Variants in MAPT observed in about 807,000 individuals in gnomAD.
The protein encoded by MAPT is microtubule-associated protein tau.
A neutral mutation model predicts 67.9 loss-of-function variants in MAPT; 34 were observed. The observed-to-expected ratio is 0.50, with a 90% confidence interval of 0.38 to 0.67. The LOEUF is 0.67. Among genes scored for constraint, MAPT ranks in the 30% least tolerant of loss-of-function variants. The pLI is 0.00. For synonymous variants in MAPT, 456 were observed against 464.5 expected, an observed-to-expected ratio of 0.98 and a Z score of 0.23; for missense variants, 881 against 1,115.2, an observed-to-expected ratio of 0.79 and a Z score of 2.99.
At chr17:45,961,653 G>A (rs567104825) in intron 1 of MAPT, among the ~76,000 whole-genome samples, 15 of 152,196 alleles carry the variant, frequency 9.9e-5, no homozygotes, top group African/African-American at 3.1e-4. Flanking sequence ...TGCCCTCACC[G>A]TTAAAGAGAA....
At chr17:45,979,150 T>C (rs2072696124) in intron 4 of MAPT, 1 of 152,252 alleles carries the variant, frequency 6.6e-6, no homozygotes, top group Non-Finnish European at 1.5e-5. Context: ...ACCCTTATTA[T>C]GATTTTCTTC....
At chr17:46,015,990 G>C (rs559889935) in intron 11 of MAPT, among the ~76,000 whole-genome samples, 1 of 152,310 alleles carries the variant, frequency 6.6e-6, no homozygotes, top group Non-Finnish European at 1.5e-5. Flanking sequence ...ATGGATGCAT[G>C]AGCTTGGTCC....
At chr17:45,945,745 G>A (rs1187136383) in intron 1 of MAPT, among the ~76,000 whole-genome samples, 1 of 152,116 alleles carries the variant, frequency 6.6e-6, no homozygotes, top group Non-Finnish European at 1.5e-5. Context: ...CCCAGGAGGT[G>A]AAGGTTGCAG....
At chr17:45,940,292 A>G (rs932240909) in intron 1 of MAPT, among the ~76,000 whole-genome samples, 1 of 152,214 alleles carries the variant, frequency 6.6e-6, no homozygotes, top group African/African-American at 2.4e-5. Flanking sequence ...GTCTACAGCC[A>G]TTCCATCCTG....
At chr17:45,973,264 A>G (rs1343445996) in intron 3 of MAPT, 9 of 152,166 alleles carry the variant, frequency 5.9e-5, no homozygotes, top group Admixed American at 2.0e-4. Flanking sequence ...GAATATCCAG[A>G]TCAGATTCTC....
At chr17:45,977,560 A>G (rs934855154) in intron 3 of MAPT, 1 of 152,192 alleles carries the variant, frequency 6.6e-6, no homozygotes, top group African/African-American at 2.4e-5. Flanking sequence ...ATGCAGAAAT[A>G]GGTGTTTTTA....
chr17:45,916,850 C>G (rs1483164376), intron 1 of MAPT, among the ~76,000 whole-genome samples: 6 of 152,216 alleles, frequency 3.9e-5, no homozygotes, highest in Non-Finnish European at 8.8e-5. Flanking sequence ...ACAGCAGGTT[C>G]ATGGCAAAGC....
intron 1 of MAPT, among the ~76,000 whole-genome samples, chr17:45,935,517 A>AC (rs1279804815): frequency 6.6e-6 from 1 of 152,018 alleles, no homozygotes; most frequent in Non-Finnish European, 1.5e-5. Context: ...CAGCTCCACC[A>AC]CCATCACCAG....
At position 46,024,869 on chromosome 17, in the gene MAPT, C is replaced by CG. The variant is rs1568350508; in HGVS notation, c.*703dup. The CG allele has an allele frequency of 6.6e-6, 1 of 151,150 alleles. No homozygotes were observed. Among genetic ancestry groups the CG allele is most frequent in the East Asian group, 2.0e-4 (1 of 5,078 alleles). The allele number at this position is 151,150 out of a possible 1,614,324, so 9.4% of individuals were successfully genotyped here. On this transcript the variant is annotated 3_prime_UTR_variant, in exon 13 of 13. Coordinates refer to ENST00000262410, the MANE Select transcript of MAPT (RefSeq NM_001377265.1). Reference sequence around the variant, plus strand: ...TGAGCGGCCGCCTGTCCTTGGTGGCCGGGGGTGGGGGCCTGCTGTGGGTCA... The same window carrying CG: ...TGAGCGGCCGCCTGTCCTTGGTGGCCGGGGGGTGGGGGCCTGCTGTGGGTCA...
chr17:45,980,804 G>A (rs186361531), intron 4 of MAPT, among the ~76,000 whole-genome samples: 1 of 152,290 alleles, frequency 6.6e-6, no homozygotes, highest in East Asian at 1.9e-4. Flanking sequence ...GGGCAGCATA[G>A]GGGCAGCCCC....
At chr17:46,005,233 G>C (rs1419584527) in intron 9 of MAPT, among the ~76,000 whole-genome samples, 2 of 152,226 alleles carry the variant, frequency 1.3e-5, no homozygotes, top group Non-Finnish European at 2.9e-5. Flanking sequence ...GATAAGGAGA[G>C]TTAAATAACC....
intron 1 of MAPT, among the ~76,000 whole-genome samples, chr17:45,909,634 G>A (rs1408102222): frequency 2.0e-5 from 3 of 152,190 alleles, no homozygotes; most frequent in African/African-American, 4.8e-5. Context: ...CAGTTTGGGA[G>A]GCTGAGGCAG....
At chr17:45,912,938 A>G (rs2064902785) in intron 1 of MAPT, among the ~76,000 whole-genome samples, 1 of 152,216 alleles carries the variant, frequency 6.6e-6, no homozygotes, top group Non-Finnish European at 1.5e-5. Flanking sequence ...CTACCTCTAG[A>G]CAAAAGAGAG....
chr17:46,019,638 G>A (rs554930241), intron 12 of MAPT, among the ~76,000 whole-genome samples: 1 of 151,640 alleles, frequency 6.6e-6, no homozygotes, highest in Admixed American at 6.6e-5. Flanking sequence ...CAAGGTGCTG[G>A]GATTACAGGT....
intron 1 of MAPT, among the ~76,000 whole-genome samples, chr17:45,932,268 G>T (rs1488775074): frequency 2.0e-5 from 3 of 151,944 alleles, no homozygotes; most frequent in Non-Finnish European, 4.4e-5. Context: ...AATGGCGCCA[G>T]AAGCAAGCTG....
intron 9 of MAPT, among the ~76,000 whole-genome samples, chr17:46,009,712 T>C (rs2075693584): frequency 6.6e-6 from 1 of 152,192 alleles, no homozygotes; most frequent in Non-Finnish European, 1.5e-5. Context: ...AACCTGGCTG[T>C]GTGTCAGAAT....
At chr17:45,962,802 A>G (rs900410263) in intron 2 of MAPT, among the ~76,000 whole-genome samples, 2 of 152,082 alleles carry the variant, frequency 1.3e-5, no homozygotes, top group African/African-American at 2.4e-5. Flanking sequence ...GTGCATGTCT[A>G]TAGTCCTAGC....
intron 1 of MAPT, among the ~76,000 whole-genome samples, chr17:45,941,552 T>A (rs1040485166): frequency 1.4e-4 from 22 of 151,860 alleles, no homozygotes; most frequent in Non-Finnish European, 2.8e-4. Context: ...CTACACTCTT[T>A]GTGCTTCTTT....
chr17:45,913,780 G>C (rs2064964477), intron 1 of MAPT, among the ~76,000 whole-genome samples: 2 of 152,236 alleles, frequency 1.3e-5, no homozygotes, highest in South Asian at 4.1e-4. Context: ...TGTACAAAGA[G>C]GGCTGCTCCC....
Sources: allele counts gnomAD v4.1 joint callset (sites outside exome capture counted in the v4.1 genomes callset), GRCh38; gene constraint gnomAD v4.1.1; transcripts MANE v1.5; gene names NCBI Gene and HGNC (gene_info 2026-07-23, HGNC 2026-07-21).